Variants in ATG4B observed in about 807,000 individuals in gnomAD.
The protein encoded by ATG4B is autophagy related 4B cysteine peptidase, also known as cysteine protease ATG4B.
Under a neutral mutation model 56.6 loss-of-function variants are expected in ATG4B, and 29 were observed. The ratio of observed to expected loss-of-function variants is 0.51; its 90% CI spans 0.38 to 0.70. ATG4B has a LOEUF of 0.70. Ranked by LOEUF, ATG4B falls within the 30% of genes least tolerant of loss-of-function variation. The pLI is 0.00. For synonymous variants in ATG4B, 224 were observed against 206.1 expected (o/e 1.09, Z -0.74); for missense variants, 461 against 515.5 (o/e 0.89, Z 1.02).
chr2:241,657,289 T>C (rs550451073), intron 6 of ATG4B, among the ~76,000 whole-genome samples: 9 of 140,976 alleles, frequency 6.4e-5, no homozygotes, highest in African/African-American at 2.4e-4. Flanking sequence ...CTCCTCTCTT[T>C]CTTTTTTTTT....
At position 241,668,542 on chromosome 2, in the gene ATG4B, G is replaced by A. The variant is rs1217248874; in HGVS notation, c.814G>A (p.Glu272Lys). Residue 272 changes from glutamate to lysine, a missense_variant and splice_region_variant, in exon 10 of 13, where the codon GAG (glutamate) becomes AAG (lysine). Coordinates refer to ENST00000404914, the MANE Select transcript of ATG4B (RefSeq NM_013325.5). This position sits in a 1 kb window ranked among gnomAD's most constrained non-coding sequence, Gnocchi z 4.2. ...SAHYFIGYVG[E>K]ELIYLDPHTT... ...GCCCACCTGCCTCATCCTCCCAGGT[G>A]AGGAGCTCATCTACCTGGACCCCCA... The A allele has an allele frequency of 3.1e-6, 5 of 1,608,500 alleles. No homozygotes were observed. Among genetic ancestry groups the A allele is most frequent in the Non-Finnish European group, 4.2e-6 (5 of 1,179,200 alleles).
At chr2:241,645,233 G>A (rs2068028640) in intron 1 of ATG4B, among the ~76,000 whole-genome samples, 1 of 152,198 alleles carries the variant, frequency 6.6e-6, no homozygotes, top group Non-Finnish European at 1.5e-5. Context: ...CTGAAGAGAT[G>A]CGAGTCTGAG....
At chr2:241,644,379 C>T (rs1283707293) in intron 1 of ATG4B, among the ~76,000 whole-genome samples, 3 of 152,124 alleles carry the variant, frequency 2.0e-5, no homozygotes, top group Admixed American at 6.5e-5. Context: ...ATGGAATCAT[C>T]GTGTTGGTCG....
chr2:241,658,888 G>A (rs1414847913), intron 6 of ATG4B, among the ~76,000 whole-genome samples: 2 of 152,228 alleles, frequency 1.3e-5, no homozygotes, highest in Non-Finnish European at 2.9e-5. Context: ...GGAGGCTGGG[G>A]CAAGGGCAGG....
rs1358271127 is a variant in ATG4B, at chr2:241,654,570, G to C, written c.308G>C (p.Arg103Thr). 1 of 1,599,712 alleles carries C rather than the reference G, an allele frequency of 6.3e-7. No homozygotes were observed. The highest frequency in any genetic ancestry group is 1.3e-5 in the African/African-American group (1 of 74,624). ...GRDWRWTQRK[R>T]QPDSYFSVLN... Reference sequence around the variant, plus strand: ...GATTGGAGGTGGACACAAAGGAAGAGGCAGCCAGACAGCTACTTCAGCGTC... The same window carrying C: ...GATTGGAGGTGGACACAAAGGAAGACGCAGCCAGACAGCTACTTCAGCGTC... Residue 103 changes from arginine (R) to threonine (T), a missense_variant, in exon 5 of 13, where the codon AGG (arginine) becomes ACG (threonine). Arg to Thr is a moderately conservative substitution (Grantham distance 71, BLOSUM62 -1). Transcript: ENST00000404914.
chr2:241,650,853 T>A (rs1334345621), intron 1 of ATG4B, among the ~76,000 whole-genome samples, 157 bp from the exon 2 acceptor site: 1 of 152,108 alleles, frequency 6.6e-6, no homozygotes, highest in Admixed American at 6.5e-5. Flanking sequence ...CCATCCATGG[T>A]GGGTGTCTTG....
At position 241,673,028 on chromosome 2, in the gene ATG4B, CAGGTGTGGTGACG is replaced by C. The variant is rs2069033474; in HGVS notation, c.*765_*777del. Reference sequence around the variant, plus strand: ...CTGTGGCATTCTGTGGCAGCTTCCCCAGGTGTGGTGACGGGGGGGGGGCGGGGCCTCCACCTGT... The same window carrying C: ...CTGTGGCATTCTGTGGCAGCTTCCCCGGGGGGGGGCGGGGCCTCCACCTGT... On this transcript the variant is annotated 3_prime_UTR_variant, in exon 13 of 13. Coordinates refer to ENST00000404914, the MANE Select transcript of ATG4B (RefSeq NM_013325.5). 9.6e-6 allele frequency: 1 copy of C among 103,958 alleles called. No homozygotes were observed. Among genetic ancestry groups the C allele is most frequent in the African/African-American group, 5.1e-5 (1 of 19,600 alleles). The allele number at this position is 103,958 out of a possible 1,614,324, so 6.4% of individuals were successfully genotyped here.
intron 1 of ATG4B, among the ~76,000 whole-genome samples, chr2:241,642,077 C>T (rs1349411209): frequency 1.3e-5 from 2 of 151,774 alleles, no homozygotes; most frequent in East Asian, 3.9e-4. Context: ...TACACATTCC[C>T]CTACTATCAA....
At chr2:241,670,825 G>C in intron 11 of ATG4B, 43 bp downstream of exon 11, 1 of 1,578,968 alleles carries the variant, frequency 6.3e-7, no homozygotes, top group Non-Finnish European at 8.6e-7. Flanking sequence ...GAGCCACCCA[G>C]GGAGACAGGC....
chr2:241,640,311 G>A (rs1010314347), intron 1 of ATG4B, among the ~76,000 whole-genome samples: 2 of 152,180 alleles, frequency 1.3e-5, no homozygotes, highest in Non-Finnish European at 2.9e-5. Context: ...TGATAAAAAC[G>A]TATATGATGT....
rs767221004 is a variant in ATG4B, at chr2:241,654,540, C to T, written c.284-6C>T. 26 of 1,575,276 alleles carry T rather than the reference C, an allele frequency of 1.7e-5. No individual in the cohort carries two copies. Among genetic ancestry groups the T allele is most frequent in the Non-Finnish European group, 2.2e-5 (26 of 1,161,064 alleles). ...TAGAGCTGACCTGTAATTTTTTTTC[C>T]AATAGATTGGAGGTGGACACAAAGG... is the stretch of plus-strand genomic sequence containing the variant. On this transcript the variant is annotated splice_region_variant and splice_polypyrimidine_tract_variant and intron_variant, in intron 4 of 12. Coordinates refer to ENST00000404914, the MANE Select transcript of ATG4B (RefSeq NM_013325.5).
At chr2:241,643,279 A>G (rs2067956947) in intron 1 of ATG4B, among the ~76,000 whole-genome samples, 1 of 150,922 alleles carries the variant, frequency 6.6e-6, no homozygotes, top group African/African-American at 2.4e-5. Flanking sequence ...GCCTCAGCTC[A>G]TTGCAGCCTT....
chr2:241,641,549 C>CAA (rs774218463), intron 1 of ATG4B, among the ~76,000 whole-genome samples: 4,561 of 70,640 alleles, frequency 0.065, 161 homozygotes, highest in Middle Eastern at 0.16. Flanking sequence ...GACTCTGTCT[C>CAA]AAAAAAAAAA....
intron 4 of ATG4B, among the ~76,000 whole-genome samples, chr2:241,654,151 G>A (rs889852176): frequency 8.5e-5 from 13 of 152,152 alleles, no homozygotes; most frequent in Non-Finnish European, 1.8e-4. Flanking sequence ...GGCTGGGTGT[G>A]GTGGCTCACG....
rs142975268 is a variant in ATG4B at position 241,640,569 on chromosome 2, T to G, written c.10+2845T>G. Among the ~76,000 whole-genome samples the G allele has an allele frequency of 3.4e-3, 525 of 152,348 alleles. 1 individual carries two copies. Among genetic ancestry groups the G allele is most frequent in the Non-Finnish European group, 5.6e-3 (379 of 68,032 alleles). On this transcript the variant is annotated intron_variant, in intron 1 of 12. Coordinates refer to ENST00000404914, the MANE Select transcript of ATG4B (RefSeq NM_013325.5). The stretch of plus-strand genomic sequence containing the variant: ...AAGTAACAACATAGATGAAAACCAT[T>G]GCCCTGGGGTAGCTAACGTTCTAGA...
chr2:241,648,341 A>G (rs554547275), intron 1 of ATG4B, among the ~76,000 whole-genome samples: 82 of 152,212 alleles, frequency 5.4e-4, no homozygotes, highest in African/African-American at 1.9e-3. Context: ...TCATGCCTGT[A>G]ATCCCAGCCT....
chr2:241,644,774 A>C (rs547770798), intron 1 of ATG4B, among the ~76,000 whole-genome samples: 28 of 152,142 alleles, frequency 1.8e-4, no homozygotes, highest in African/African-American at 6.7e-4. Context: ...ACATGGGAGA[A>C]ACCCATCTCT....
chr2:241,640,981 G>C (rs1162632520), intron 1 of ATG4B, among the ~76,000 whole-genome samples: 1 of 152,198 alleles, frequency 6.6e-6, no homozygotes, highest in Non-Finnish European at 1.5e-5. Flanking sequence ...GGAGTCACAT[G>C]ATAGACTGTG....
intron 6 of ATG4B, among the ~76,000 whole-genome samples, chr2:241,658,497 C>T (rs2068486632): frequency 6.6e-6 from 1 of 152,102 alleles, no homozygotes; most frequent in South Asian, 2.1e-4. Flanking sequence ...TATTGTTTTA[C>T]CTTTTGTTGA....
Sources: gnomAD v4.1 joint callset for allele counts (sites outside exome capture counted in the v4.1 genomes callset) on GRCh38, gnomAD v4.1.1 for gene constraint, Gnocchi (gnomAD v3.1) non-coding constraint, MANE v1.5 for transcripts, NCBI Gene and HGNC (gene_info 2026-07-23, HGNC 2026-07-21) for gene names.